Variants in DHRSX observed in about 807,000 individuals in gnomAD.
DHRSX encodes the protein polyprenol dehydrogenase.
In DHRSX, 31 loss-of-function variants were observed where a neutral mutation model predicts 34.0. That is an observed-to-expected ratio of 0.91 (90% CI 0.69 to 1.23). The LOEUF (loss-of-function observed/expected upper bound fraction) is 1.23, where lower values mean the gene tolerates loss of function less well. Among genes scored for constraint, DHRSX ranks in the 50% most tolerant of loss-of-function variants. The pLI is 0.00. For synonymous variants in DHRSX, 201 were observed against 183.8 expected (o/e 1.09, Z -0.76); for missense variants, 414 against 428.1 (o/e 0.97, Z 0.29).
intron 6 of DHRSX, among the ~76,000 whole-genome samples, chrX:2,231,731 TCTC>T (rs1279938212): frequency 1.3e-5 from 2 of 151,030 alleles, no homozygotes. Flanking sequence ...TCCTCCATCT[TCTC>T]TTCTTCCTCC....
intron 6 of DHRSX, among the ~76,000 whole-genome samples, chrX:2,234,939 G>A (rs1026613730): frequency 6.6e-6 from 1 of 152,146 alleles, no homozygotes; most frequent in African/African-American, 2.4e-5. Context: ...TTGAACTCAT[G>A]ACCTCAGGTG....
chrX:2,385,089 G>A (rs1257944920), intron 3 of DHRSX, among the ~76,000 whole-genome samples: 6 of 145,872 alleles, frequency 4.1e-5, no homozygotes, highest in African/African-American at 1.5e-4. Context: ...GCGACAGAGT[G>A]AGACTCCATC....
chrX:2,347,238 G>T (rs111299384), intron 3 of DHRSX, among the ~76,000 whole-genome samples: 7,602 of 152,204 alleles, frequency 0.05, 660 homozygotes, highest in African/African-American at 0.18. Flanking sequence ...GTCTCACATT[G>T]TGACAGACAA....
intron 3 of DHRSX, among the ~76,000 whole-genome samples, chrX:2,399,953 T>A (rs2043466409): frequency 6.6e-6 from 1 of 151,910 alleles, no homozygotes; most frequent in Non-Finnish European, 1.5e-5. Context: ...GTAGGAAGTT[T>A]CCTACTGAGG....
intron 6 of DHRSX, among the ~76,000 whole-genome samples, chrX:2,224,719 TACTC>T (rs1216724085): frequency 2.0e-5 from 3 of 151,732 alleles, no homozygotes; most frequent in East Asian, 1.9e-4. Flanking sequence ...GACACACACA[TACTC>T]ATGCATACGC....
chrX:2,436,085 C>T (rs1395484088), intron 1 of DHRSX, among the ~76,000 whole-genome samples: 1 of 151,480 alleles, frequency 6.6e-6, no homozygotes, highest in Non-Finnish European at 1.5e-5. Context: ...CCCAGCTACT[C>T]GGGAAGCTGA....
intron 1 of DHRSX, among the ~76,000 whole-genome samples, chrX:2,451,793 C>A (rs2044221776): frequency 6.6e-6 from 1 of 152,200 alleles, no homozygotes; most frequent in South Asian, 2.1e-4. Context: ...TGCCAAGGGA[C>A]CGCCACTGTG....
At chrX:2,441,088 C>T (rs1360428323) in intron 1 of DHRSX, among the ~76,000 whole-genome samples, 37 of 152,186 alleles carry the variant, frequency 2.4e-4, no homozygotes, top group Admixed American at 2.4e-3. Context: ...CCACGGCTTC[C>T]GGCTGTCTTC....
chrX:2,328,645 C>G (rs2042419548), intron 3 of DHRSX, among the ~76,000 whole-genome samples: 1 of 152,176 alleles, frequency 6.6e-6, no homozygotes, highest in African/African-American at 2.4e-5. Flanking sequence ...AGCAGAGAGG[C>G]CTCAGGAAGA....
chrX:2,479,791 C>G (rs2044741772), intron 1 of DHRSX, among the ~76,000 whole-genome samples: 1 of 151,740 alleles, frequency 6.6e-6, no homozygotes, highest in South Asian at 2.1e-4. Flanking sequence ...TAGACGTTCC[C>G]TAAGCATGCA....
chrX:2,441,516 T>TG (rs1413556029), intron 1 of DHRSX, among the ~76,000 whole-genome samples: 1 of 151,968 alleles, frequency 6.6e-6, no homozygotes, highest in Non-Finnish European at 1.5e-5. Flanking sequence ...TCCCAAGATG[T>TG]GGGGGAGGGG....
intron 1 of DHRSX, among the ~76,000 whole-genome samples, chrX:2,455,741 C>CAAAAA (rs752123891): frequency 1.3e-3 from 76 of 59,730 alleles, no homozygotes; most frequent in African/African-American, 3.9e-3. Flanking sequence ...AACTTCGTCT[C>CAAAAA]AAAAAAAAAA....
At chrX:2,310,158 A>C (rs1825933551) in intron 3 of DHRSX, among the ~76,000 whole-genome samples, 1 of 152,078 alleles carries the variant, frequency 6.6e-6, no homozygotes, top group African/African-American at 2.4e-5. Flanking sequence ...TGTGGGTAGC[A>C]ACAGCCGTCC....
At chrX:2,450,165 TA>T (rs1162231541) in intron 1 of DHRSX, among the ~76,000 whole-genome samples, 1 of 151,698 alleles carries the variant, frequency 6.6e-6, no homozygotes, top group Admixed American at 6.6e-5. Flanking sequence ...AATAAATAAA[TA>T]AATAAAACAC....
chrX:2,478,169 G>A (rs2044710202), intron 1 of DHRSX, among the ~76,000 whole-genome samples: 1 of 152,190 alleles, frequency 6.6e-6, no homozygotes, highest in Non-Finnish European at 1.5e-5. Context: ...TGCGGACAGG[G>A]CAGGAGAAGG....
Position 2,243,049 on chromosome X carries a change from T to C in DHRSX, c.778A>G (p.Lys260Glu), listed in dbSNP as rs1424535045. The stretch of plus-strand genomic sequence containing the variant: ...TTGAAAAGCAACCAGCCGAGAAGCT[T>C]CTTCGCCAGACGGGTGGCCCAGAAC... ...HVFWATRLAK[K>E]LLGWLLFKTP... Residue 260 changes from lysine to glutamate, a missense_variant, in exon 6 of 7, where the codon AAG (lysine) becomes GAG (glutamate). Transcript: ENST00000334651. The C allele has an allele frequency of 6.2e-7, 1 of 1,613,306 alleles. No individual in the cohort carries two copies. Among genetic ancestry groups the C allele is most frequent in the Non-Finnish European group, 8.5e-7 (1 of 1,179,574 alleles).
At chrX:2,489,868 G>T in intron 1 of DHRSX, 1 of 1,613,806 alleles carries the variant, frequency 6.2e-7, no homozygotes, top group Non-Finnish European at 8.5e-7. Flanking sequence ...TGTGCACTGC[G>T]ACGTCCAGCA....
intron 3 of DHRSX, among the ~76,000 whole-genome samples, chrX:2,343,397 G>C (rs1428508244): frequency 6.6e-6 from 1 of 152,134 alleles, no homozygotes; most frequent in African/African-American, 2.4e-5. Context: ...CTTAGAAAAA[G>C]ATTCCATGTT....
Position 2,221,055 on chromosome X carries a change from C to G in DHRSX, c.979G>C (p.Asp327His). The G allele has an allele frequency of 1.9e-6, 3 of 1,613,842 alleles. No homozygotes were observed. The highest frequency in any genetic ancestry group is 2.5e-6 in the Non-Finnish European group (3 of 1,179,804). ...SKSCEMTGVL[D>H]VTL ...GAGACAGGATATCACAGGGTCACAT[C>G]AAGGACCCCAGTCATCTCACAACTC... Residue 327 changes from aspartate to histidine, a missense_variant, in exon 7 of 7, where the codon GAT becomes CAT. Transcript: ENST00000334651.
Sources: allele counts gnomAD v4.1 joint callset (sites outside exome capture counted in the v4.1 genomes callset), GRCh38; gene constraint gnomAD v4.1.1; transcripts MANE v1.5; gene names NCBI Gene and HGNC (gene_info 2026-07-23, HGNC 2026-07-21).